The following DENND1A variants were observed in gnomAD, a reference collection of about 807,000 sequenced individuals.
The protein encoded by DENND1A is DENN domain-containing protein 1A.
DENND1A carries 51 observed loss-of-function variants against 113.7 expected under a neutral mutation model. The observed-to-expected ratio is 0.45, with a 90% CI of 0.36 to 0.57. The LOEUF (loss-of-function observed/expected upper bound fraction) is 0.57. Ranked by LOEUF, DENND1A falls within the 20% of genes least tolerant of loss-of-function variation. DENND1A has a pLI of 0.00. For missense variants in DENND1A, 1,258 were observed against 1,395.9 expected (o/e 0.90, Z 1.57); for synonymous variants, 565 against 570.8 (o/e 0.99, Z 0.14).
chr9:123,901,444 G>A (rs188629644), intron 1 of DENND1A, among the ~76,000 whole-genome samples: 79 of 152,166 alleles, frequency 5.2e-4, no homozygotes, highest in African/African-American at 1.8e-3. Flanking sequence ...CACACTCTGC[G>A]ATTCCCAAAC....
intron 1 of DENND1A, among the ~76,000 whole-genome samples, chr9:123,925,882 T>C (rs1185212250): frequency 6.6e-6 from 1 of 152,190 alleles, no homozygotes; most frequent in East Asian, 1.9e-4. Context: ...TCTGAGTCCA[T>C]AAATGTCACG....
At position 123,481,961 on chromosome 9, in the gene DENND1A, AT is replaced by A. The variant is rs1158983442; in HGVS notation, c.994-24065del. Among the ~76,000 whole-genome samples the A allele has an allele frequency of 4.0e-5, 6 of 148,176 alleles. 2 individuals are homozygous for A. In the South Asian group the frequency reaches 1.1e-3, roughly 26 times the overall value. On this transcript the variant is annotated intron_variant, in intron 13 of 23. Coordinates refer to ENST00000394215, the MANE Select transcript of DENND1A (RefSeq NM_001352964.2). The stretch of plus-strand genomic sequence containing the variant: ...CAGATGTGTGCCACCATGTCTGGCT[AT>A]TTTTTTTTCTTTTGTATTTTTAGTA...
At chr9:123,920,672 A>G (rs1255215768) in intron 1 of DENND1A, among the ~76,000 whole-genome samples, 7 of 150,754 alleles carry the variant, frequency 4.6e-5, no homozygotes, top group Admixed American at 3.3e-4. Flanking sequence ...CAGTTCTCAC[A>G]CCTCAGCCTC....
intron 12 of DENND1A, among the ~76,000 whole-genome samples, chr9:123,560,431 G>A (rs1252970675): frequency 6.6e-6 from 1 of 152,126 alleles, no homozygotes; most frequent in South Asian, 2.1e-4. Context: ...CCATGGGGAC[G>A]TGCCCAGCGC....
intron 12 of DENND1A, among the ~76,000 whole-genome samples, chr9:123,561,313 C>A (rs111466257): frequency 1.3e-5 from 2 of 151,990 alleles, no homozygotes; most frequent in Non-Finnish European, 2.9e-5. Flanking sequence ...TGAGCAAATA[C>A]GAGTGTGTCC....
chr9:123,398,981 A>G (rs2043285762), intron 21 of DENND1A, among the ~76,000 whole-genome samples: 1 of 151,390 alleles, frequency 6.6e-6, no homozygotes. Context: ...TTTTTAGTAG[A>G]GACGGGGTTT....
intron 8 of DENND1A, among the ~76,000 whole-genome samples, chr9:123,658,149 A>G (rs1159389231): frequency 2.0e-5 from 3 of 152,318 alleles, no homozygotes; most frequent in Admixed American, 2.0e-4. Context: ...GCAATGTTAT[A>G]TGTAACTGTC....
chr9:123,827,514 C>T (rs940880389), intron 2 of DENND1A, among the ~76,000 whole-genome samples: 1 of 151,622 alleles, frequency 6.6e-6, no homozygotes, highest in Admixed American at 6.6e-5. Context: ...AGAGTGAGAC[C>T]TTGTCACACA....
intron 18 of DENND1A, 35 bp from the exon 19 acceptor site, chr9:123,440,526 G>A: frequency 6.5e-7 from 1 of 1,527,032 alleles, no homozygotes; most frequent in South Asian, 1.3e-5. Flanking sequence ...GTTGGCACTG[G>A]GGTTCTGGCA....
intron 5 of DENND1A, among the ~76,000 whole-genome samples, chr9:123,743,463 G>A (rs1293302405): frequency 6.6e-6 from 1 of 151,850 alleles, no homozygotes; most frequent in African/African-American, 2.4e-5. Flanking sequence ...CGGGCGCGGT[G>A]GCTCACTCCT....
intron 19 of DENND1A, among the ~76,000 whole-genome samples, chr9:123,429,938 A>T (rs1215212799): frequency 6.6e-6 from 1 of 152,216 alleles, no homozygotes; most frequent in African/African-American, 2.4e-5. Flanking sequence ...AAATTTTTGC[A>T]ATCGATCCAT....
At chr9:123,749,468 T>C (rs1229376166) in intron 5 of DENND1A, among the ~76,000 whole-genome samples, 1 of 152,206 alleles carries the variant, frequency 6.6e-6, no homozygotes, top group Admixed American at 6.5e-5. Context: ...TTCCTTAACT[T>C]TCTCCTTGAG....
intron 2 of DENND1A, among the ~76,000 whole-genome samples, chr9:123,850,787 G>C (rs905181718): frequency 3.9e-5 from 6 of 152,022 alleles, no homozygotes; most frequent in Non-Finnish European, 8.8e-5. Flanking sequence ...ACAATGACTG[G>C]TATAAAATAA....
chr9:123,587,085 C>T (rs1467948306), intron 11 of DENND1A, among the ~76,000 whole-genome samples: 1 of 150,888 alleles, frequency 6.6e-6, no homozygotes, highest in Non-Finnish European at 1.5e-5. Flanking sequence ...AGCTTCTGGT[C>T]CTGCGGTGCC....
intron 13 of DENND1A, among the ~76,000 whole-genome samples, chr9:123,468,472 A>C (rs1352540451): frequency 6.6e-6 from 1 of 152,166 alleles, no homozygotes; most frequent in East Asian, 1.9e-4. Context: ...GTCCTTTTTA[A>C]AAACTTAAGA....
intron 12 of DENND1A, among the ~76,000 whole-genome samples, chr9:123,580,985 G>C (rs2136662981): frequency 6.6e-6 from 1 of 152,228 alleles, no homozygotes; most frequent in South Asian, 2.1e-4. Context: ...TCTCCTCTCT[G>C]TAGAAAGGAG....
At chr9:123,518,407 A>T (rs1221949562) in intron 13 of DENND1A, among the ~76,000 whole-genome samples, 1 of 152,162 alleles carries the variant, frequency 6.6e-6, no homozygotes, top group African/African-American at 2.4e-5. Flanking sequence ...AGTTCTCAAA[A>T]TATCACCCTC....
intron 15 of DENND1A, 66 bp downstream of exon 15, chr9:123,457,282 C>A: frequency 2.4e-6 from 3 of 1,257,050 alleles, no homozygotes; most frequent in Admixed American, 1.7e-5. Context: ...CACTGCCACT[C>A]CTTGTCAAAT....
At chr9:123,513,559 G>T (rs1347942072) in intron 13 of DENND1A, among the ~76,000 whole-genome samples, 1 of 152,204 alleles carries the variant, frequency 6.6e-6, no homozygotes, top group Non-Finnish European at 1.5e-5. Context: ...ACGCCAGAGC[G>T]GGAAGAGCCG....
Sources: gnomAD v4.1 joint callset for allele counts (sites outside exome capture counted in the v4.1 genomes callset) on GRCh38, gnomAD v4.1.1 for gene constraint, MANE v1.5 for transcripts, NCBI Gene and HGNC (gene_info 2026-07-23, HGNC 2026-07-21) for gene names.